The following CCDC85A variants were observed in gnomAD, a reference collection of about 807,000 sequenced individuals.
CCDC85A encodes coiled-coil domain-containing protein 85A.
Under a neutral mutation model 50.2 loss-of-function variants are expected in CCDC85A, and 38 were observed. The observed-to-expected ratio is 0.76, with a 90% CI of 0.58 to 0.99. CCDC85A has a LOEUF of 0.99. CCDC85A is among the 50% of genes least tolerant of loss of function. The pLI, the probability that CCDC85A is intolerant of heterozygous loss-of-function variation, is 0.00. For missense variants in CCDC85A, 820 were observed against 742.0 expected (o/e 1.11, Z -1.22); for synonymous variants, 366 against 301.4 (o/e 1.21, Z -2.22).
intron 2 of CCDC85A, among the ~76,000 whole-genome samples, chr2:56,197,003 C>T (rs1288109177): frequency 6.6e-6 from 1 of 152,098 alleles, no homozygotes; most frequent in African/African-American, 2.4e-5. Context: ...TCACTCCAGC[C>T]AATGAGAGCA....
At chr2:56,234,991 C>G (rs547133333) in intron 2 of CCDC85A, among the ~76,000 whole-genome samples, 2 of 152,252 alleles carry the variant, frequency 1.3e-5, no homozygotes, top group Admixed American at 6.5e-5. Context: ...AAACAGTTTA[C>G]TAAAATCAGA....
At chr2:56,221,900 G>T (rs1042035747) in intron 2 of CCDC85A, among the ~76,000 whole-genome samples, 1 of 152,062 alleles carries the variant, frequency 6.6e-6, no homozygotes, top group Non-Finnish European at 1.5e-5. Flanking sequence ...CAAGAGCGTG[G>T]CACTGGTATC....
chr2:56,252,045 T>A (rs972884197), intron 2 of CCDC85A, among the ~76,000 whole-genome samples: 2 of 149,984 alleles, frequency 1.3e-5, no homozygotes, highest in Non-Finnish European at 3.0e-5. Context: ...GGCTGTATCA[T>A]CAACTATTTT....
chr2:56,210,138 C>T (rs985093214), intron 2 of CCDC85A, among the ~76,000 whole-genome samples: 4 of 152,000 alleles, frequency 2.6e-5, no homozygotes, highest in Admixed American at 1.3e-4. Flanking sequence ...ACTGTATGCT[C>T]GTTGGAAGTA....
chr2:56,365,464 C>T (rs1329023833), intron 3 of CCDC85A, among the ~76,000 whole-genome samples: 1 of 152,106 alleles, frequency 6.6e-6, no homozygotes, highest in Non-Finnish European at 1.5e-5. Context: ...GCTATTCCAA[C>T]CAATCTGACC....
chr2:56,232,102 C>T (rs751948376), intron 2 of CCDC85A, among the ~76,000 whole-genome samples: 1 of 152,114 alleles, frequency 6.6e-6, no homozygotes, highest in South Asian at 2.1e-4. Context: ...ATAATTTCTT[C>T]TGGTCCCATG....
chr2:56,245,907 G>C (rs1404385943), intron 2 of CCDC85A, among the ~76,000 whole-genome samples: 1 of 152,164 alleles, frequency 6.6e-6, no homozygotes, highest in African/African-American at 2.4e-5. Context: ...TTCCAGAACT[G>C]GGAGAAATAA....
intron 4 of CCDC85A, among the ~76,000 whole-genome samples, chr2:56,374,143 C>T (rs1676217281): frequency 6.6e-6 from 1 of 152,296 alleles, no homozygotes. Context: ...ACCTGCTGTA[C>T]ATTTTAGTTT....
Position 56,192,705 on chromosome 2 carries a change from T to C in CCDC85A, c.505T>C (p.Cys169Arg). ...GGAGAACATGGAGCTCAAGGAGCTC[T>C]GTGTGCTACTAGATGAGGAGAAGGG... ...VKENMELKELCVLLDEEKGAG... is the reference protein window; with the variant it reads ...VKENMELKELRVLLDEEKGAG... Residue 169 changes from cysteine (C) to arginine (R), a missense_variant, in exon 2 of 6, where the codon TGT becomes CGT. Cys to Arg is a radical substitution (Grantham distance 180). Coordinates refer to ENST00000407595, the MANE Select transcript of CCDC85A (RefSeq NM_001080433.2). This position sits in a 1 kb window ranked among gnomAD's most constrained non-coding sequence, Gnocchi z 4.7. 6.2e-7 allele frequency: 1 copy of C among 1,613,826 alleles called. No individual in the cohort carries two copies. Among genetic ancestry groups the C allele is most frequent in the Non-Finnish European group, 8.5e-7 (1 of 1,179,852 alleles).
At chr2:56,349,593 G>C (rs1366240573) in intron 3 of CCDC85A, among the ~76,000 whole-genome samples, 1 of 152,124 alleles carries the variant, frequency 6.6e-6, no homozygotes, top group East Asian at 1.9e-4. Context: ...CCTCATATTT[G>C]AGGGTTCTTA....
At chr2:56,280,593 A>G (rs1244827205) in intron 2 of CCDC85A, among the ~76,000 whole-genome samples, 2 of 152,166 alleles carry the variant, frequency 1.3e-5, no homozygotes, top group African/African-American at 2.4e-5. Flanking sequence ...CCAACACTCC[A>G]AAGACAATCC....
intron 2 of CCDC85A, among the ~76,000 whole-genome samples, chr2:56,238,731 A>G (rs142903730): frequency 3.3e-5 from 5 of 152,262 alleles, no homozygotes; most frequent in African/African-American, 1.2e-4. Flanking sequence ...TTTTTCTACT[A>G]TAAGACCACT....
rs116140475 is a variant in CCDC85A at position 56,323,654 on chromosome 2, A to G, written c.1241-19225A>G. Among the ~76,000 whole-genome samples the G allele has an allele frequency of 9.8e-3, 1,493 of 152,218 alleles. 24 individuals are homozygous for G. Among genetic ancestry groups the G allele is most frequent in the African/African-American group, 0.034 (1,397 of 41,538 alleles). ...TATCAAATACACAATCATGTTGGTT[A>G]TCACAAAGCAAGTAGTTTTCTAAAC... On this transcript the variant is annotated intron_variant, in intron 2 of 5. Coordinates refer to ENST00000407595, the MANE Select transcript of CCDC85A (RefSeq NM_001080433.2).
chr2:56,278,092 C>G (rs768794893), intron 2 of CCDC85A, among the ~76,000 whole-genome samples: 4 of 152,096 alleles, frequency 2.6e-5, no homozygotes, highest in Non-Finnish European at 4.4e-5. Context: ...TTAGTACTGG[C>G]TAGAGATGCA....
chr2:56,194,152 G>C (rs1305378294), intron 2 of CCDC85A, among the ~76,000 whole-genome samples: 1 of 152,200 alleles, frequency 6.6e-6, no homozygotes, highest in Non-Finnish European at 1.5e-5. Flanking sequence ...TACACTGCAA[G>C]AGACATCTTT....
At chr2:56,227,345 G>A (rs962445549) in intron 2 of CCDC85A, among the ~76,000 whole-genome samples, 20 of 152,224 alleles carry the variant, frequency 1.3e-4, no homozygotes, top group Non-Finnish European at 1.9e-4. Context: ...GCAACAGACG[G>A]AAGGATACAT....
intron 5 of CCDC85A, among the ~76,000 whole-genome samples, chr2:56,380,701 G>A (rs928306576): frequency 6.6e-6 from 1 of 151,936 alleles, no homozygotes; most frequent in African/African-American, 2.4e-5. Flanking sequence ...AATATGGCTT[G>A]GATTTTTACT....
intron 3 of CCDC85A, among the ~76,000 whole-genome samples, chr2:56,362,840 T>A (rs575734659): frequency 6.6e-6 from 1 of 152,186 alleles, no homozygotes; most frequent in East Asian, 1.9e-4. Context: ...GCCAGGCTGG[T>A]CTCAAACTCC....
At chr2:56,329,636 C>T (rs148817575) in intron 2 of CCDC85A, among the ~76,000 whole-genome samples, 292 of 152,096 alleles carry the variant, frequency 1.9e-3, no homozygotes, top group South Asian at 0.015. Flanking sequence ...GAACATTTCT[C>T]GATTGTTACA....
Sources: gnomAD v4.1 joint callset for allele counts (sites outside exome capture counted in the v4.1 genomes callset) on GRCh38, gnomAD v4.1.1 for gene constraint, Gnocchi (gnomAD v3.1) non-coding constraint, MANE v1.5 for transcripts, NCBI Gene and HGNC (gene_info 2026-07-23, HGNC 2026-07-21) for gene names.